Variants in RAB10 observed in about 807,000 individuals in gnomAD.
The protein encoded by RAB10 is ras-related protein Rab-10.
RAB10 carries 5 observed loss-of-function variants against 25.7 expected under a neutral mutation model. That is an observed-to-expected ratio of 0.19 (90% confidence interval 0.10 to 0.41). RAB10 has a LOEUF of 0.41. RAB10 is among the 10% of genes least tolerant of loss of function. The probability of loss-of-function intolerance (pLI) is 1.00; values close to 1 mark genes in which losing one functional copy is unlikely to be tolerated. For synonymous variants in RAB10, 89 were observed against 86.4 expected, an observed-to-expected ratio of 1.03 and a Z score of -0.16; for missense variants, 103 against 245.8, an observed-to-expected ratio of 0.42 and a Z score of 3.89.
At chr2:26,043,739 A>G (rs1186478349) in intron 1 of RAB10, among the ~76,000 whole-genome samples, 1 of 152,150 alleles carries the variant, frequency 6.6e-6, no homozygotes, top group Non-Finnish European at 1.5e-5. Context: ...GGCCTGGGGG[A>G]CAGAGTAATG....
At chr2:26,034,050 C>T, upstream of RAB10, 1 of 401,136 alleles carries the variant, frequency 2.5e-6, no homozygotes. Flanking sequence ...AAGGCTAGGG[C>T]GTGAGGGAAG....
chr2:26,121,117 G>C (rs1667795013), intron 3 of RAB10, among the ~76,000 whole-genome samples: 1 of 151,506 alleles, frequency 6.6e-6, no homozygotes, highest in Non-Finnish European at 1.5e-5. Context: ...TTGCCATATT[G>C]GCCAGGCTGG....
chr2:26,059,630 A>G (rs531522499), intron 1 of RAB10, among the ~76,000 whole-genome samples: 1 of 152,342 alleles, frequency 6.6e-6, no homozygotes, highest in East Asian at 1.9e-4. Flanking sequence ...ACTTCCAAGT[A>G]TATATCCCAA....
intron 1 of RAB10, among the ~76,000 whole-genome samples, chr2:26,043,779 T>C (rs1665940026): frequency 6.6e-6 from 1 of 152,112 alleles, no homozygotes; most frequent in Non-Finnish European, 1.5e-5. Flanking sequence ...TCACAGAGTT[T>C]TAGTTTGGAA....
intron 1 of RAB10, among the ~76,000 whole-genome samples, chr2:26,065,492 C>A (rs1010639911): frequency 3.0e-5 from 2 of 67,610 alleles, no homozygotes; most frequent in East Asian, 1.3e-3. Context: ...ACTTCAAAAC[C>A]TGAAGGTTTT....
rs138966263 is a variant in RAB10, at chr2:26,120,429, A to G, written c.328-6715A>G. Among the ~76,000 whole-genome samples, 147 of 152,314 alleles carry G rather than the reference A, an allele frequency of 9.7e-4. 1 individual carries two copies. The highest frequency in any genetic ancestry group is 3.2e-3 in the African/African-American group (134 of 41,574). On this transcript the variant is annotated intron_variant, in intron 3 of 5. Transcript: ENST00000264710. ...CCGAAGTCCATCCTTAGATTCTGAG[A>G]TCAAAATGCCTCTTACTTTTAGCAC...
intron 1 of RAB10, among the ~76,000 whole-genome samples, chr2:26,051,859 C>T (rs1666142530): frequency 6.6e-6 from 1 of 151,094 alleles, no homozygotes; most frequent in Non-Finnish European, 1.5e-5. Flanking sequence ...AGTTCCAAGA[C>T]CAGCCTGACC....
At chr2:26,106,635 C>A (rs537224304) in intron 2 of RAB10, among the ~76,000 whole-genome samples, 1 of 152,306 alleles carries the variant, frequency 6.6e-6, no homozygotes, top group African/African-American at 2.4e-5. Context: ...CCTATAACCC[C>A]AGCACTTTCG....
At chr2:26,067,872 C>T (rs751614568) in intron 1 of RAB10, among the ~76,000 whole-genome samples, 5 of 152,138 alleles carry the variant, frequency 3.3e-5, no homozygotes, top group Non-Finnish European at 7.3e-5. Context: ...GATTTGTACA[C>T]GATGTTTGGA....
At chr2:26,065,877 C>T (rs1418941289) in intron 1 of RAB10, among the ~76,000 whole-genome samples, 4 of 152,088 alleles carry the variant, frequency 2.6e-5, no homozygotes, top group Non-Finnish European at 5.9e-5. Context: ...AATGTATACT[C>T]CATAATCATT....
chr2:26,133,559 C>T (rs539065166), intron 5 of RAB10, among the ~76,000 whole-genome samples: 1 of 152,288 alleles, frequency 6.6e-6, no homozygotes, highest in South Asian at 2.1e-4. Context: ...ATCAGGCTTA[C>T]ACTTAAGCTT....
In RAB10 at chr2:26,136,363, A is replaced by G. The variant is rs1362901867; in HGVS notation, c.*1342A>G. The G allele has an allele frequency of 6.6e-6, 1 of 152,592 alleles. No homozygotes were observed. The highest frequency in any genetic ancestry group is 1.5e-5 in the Non-Finnish European group (1 of 68,026). The allele number at this position is 152,592 out of a possible 1,614,324, so 9.5% of individuals were successfully genotyped here. On this transcript the variant is annotated 3_prime_UTR_variant, in exon 6 of 6. Transcript: ENST00000264710. ...CACTTTTTCAGTGTTAAGTTTCTTT[A>G]CCTTAAGATTCAGAAATACTTTAGA... is the stretch of plus-strand genomic sequence containing the variant.
intron 5 of RAB10, among the ~76,000 whole-genome samples, chr2:26,129,268 CAAAAAAAAAAAAA>C (rs58007291): frequency 7.5e-6 from 1 of 133,606 alleles, no homozygotes. Flanking sequence ...GACTCCATCT[CAAAAAAAAAAAAA>C]AAAAAAAAAA....
chr2:26,034,859 CA>C (rs1205616977), intron 1 of RAB10, 124 bp downstream of exon 1: 1 of 1,368,008 alleles, frequency 7.3e-7, no homozygotes, highest in Non-Finnish European at 1.0e-6. Flanking sequence ...ACGACACATC[CA>C]AGTTACTGTT....
chr2:26,071,608 A>G (rs1666627812), intron 1 of RAB10, among the ~76,000 whole-genome samples: 1 of 152,040 alleles, frequency 6.6e-6, no homozygotes, highest in South Asian at 2.1e-4. Flanking sequence ...GAATTGCTTG[A>G]ACCTGGGAGG....
At chr2:26,075,821 C>G (rs559123627) in intron 1 of RAB10, among the ~76,000 whole-genome samples, 12 of 152,026 alleles carry the variant, frequency 7.9e-5, no homozygotes, top group South Asian at 4.2e-4. Context: ...AATATGAAAA[C>G]TTACAAATGT....
intron 1 of RAB10, among the ~76,000 whole-genome samples, chr2:26,093,025 A>C (rs1031598186): frequency 6.6e-5 from 10 of 152,242 alleles, no homozygotes; most frequent in Admixed American, 3.9e-4. Context: ...TAAACCCAAG[A>C]GTTTGAAGGG....
intron 1 of RAB10, among the ~76,000 whole-genome samples, chr2:26,086,457 C>T (rs1463616262): frequency 1.3e-5 from 2 of 152,156 alleles, no homozygotes; most frequent in Non-Finnish European, 2.9e-5. Flanking sequence ...AGGAAAGTAA[C>T]AAGTATGATT....
At chr2:26,075,269 A>C (rs1045674609) in intron 1 of RAB10, among the ~76,000 whole-genome samples, 12 of 152,286 alleles carry the variant, frequency 7.9e-5, no homozygotes, top group African/African-American at 2.6e-4. Context: ...TTAGCAAATC[A>C]TTGTACCCTA....
Sources: gnomAD v4.1 joint callset for allele counts (sites outside exome capture counted in the v4.1 genomes callset) on GRCh38, gnomAD v4.1.1 for gene constraint, MANE v1.5 for transcripts, NCBI Gene and HGNC (gene_info 2026-07-23, HGNC 2026-07-21) for gene names.